The following ARHGAP6 variants were observed in gnomAD, a reference collection of about 807,000 sequenced individuals.
ARHGAP6 encodes the protein rho GTPase-activating protein 6.
ARHGAP6 carries 16 observed loss-of-function variants against 55.7 expected under a neutral mutation model. The observed-to-expected ratio is 0.29, with a 90% CI of 0.19 to 0.44. The LOEUF (loss-of-function observed/expected upper bound fraction) is 0.44. ARHGAP6 is among the 20% of genes least tolerant of loss of function. The pLI is 1.00. For synonymous variants in ARHGAP6, 382 were observed against 360.9 expected, an observed-to-expected ratio of 1.06 and a Z score of -0.66; for missense variants, 698 against 808.9, an observed-to-expected ratio of 0.86 and a Z score of 1.66.
At chrX:11,643,722 A>G (rs1307310500) in intron 1 of ARHGAP6, among the ~76,000 whole-genome samples, 2 of 111,315 alleles carry the variant, frequency 1.8e-5, no homozygotes, top group Middle Eastern at 4.6e-3. Context: ...TTGGGCTGCC[A>G]TGTAGCCTGA....
chrX:11,617,456 T>C (rs1405899499), intron 1 of ARHGAP6, among the ~76,000 whole-genome samples: 1 of 111,919 alleles, frequency 8.9e-6, no homozygotes, highest in Non-Finnish European at 1.9e-5. Context: ...CATACGCATT[T>C]GTGATAGGCA....
At position 11,491,469 on chromosome X, in the gene ARHGAP6, T is replaced by C. The variant is rs576428250; in HGVS notation, c.588+172772A>G. Among the ~76,000 whole-genome samples, 55 of 109,727 alleles carry C rather than the reference T, an allele frequency of 5.0e-4. 1 individual carries two copies. In the South Asian group the frequency reaches 0.019, roughly 39 times the overall value. Reference sequence around the variant, plus strand: ...AGGAGTGAGAATATGCGGTGTCTGGTTTTTTCTTCTTGCGATAGTTTACTG... The same window carrying C: ...AGGAGTGAGAATATGCGGTGTCTGGCTTTTTCTTCTTGCGATAGTTTACTG... On this transcript the variant is annotated intron_variant, in intron 1 of 12. Coordinates refer to ENST00000337414, the MANE Select transcript of ARHGAP6 (RefSeq NM_013427.3).
chrX:11,175,650 C>G (rs2046201489), intron 8 of ARHGAP6, among the ~76,000 whole-genome samples: 1 of 111,478 alleles, frequency 9.0e-6, no homozygotes, highest in African/African-American at 3.3e-5. Flanking sequence ...AACCCTTCTC[C>G]TCAGGGGAGA....
At chrX:11,588,148 C>T (rs2147126056) in intron 1 of ARHGAP6, among the ~76,000 whole-genome samples, 1 of 112,334 alleles carries the variant, frequency 8.9e-6, no homozygotes, top group Non-Finnish European at 1.9e-5. Flanking sequence ...GCTTCCATCT[C>T]TGTCATTAGA....
intron 1 of ARHGAP6, among the ~76,000 whole-genome samples, chrX:11,662,251 C>T (rs758810039): frequency 1.2e-4 from 13 of 111,798 alleles, no homozygotes; most frequent in Non-Finnish European, 2.3e-4. Context: ...GGTTCCAGGG[C>T]GTTAAACCTT....
intron 2 of ARHGAP6, among the ~76,000 whole-genome samples, chrX:11,252,224 G>C (rs951700745): frequency 1.8e-4 from 20 of 112,677 alleles, no homozygotes; most frequent in Non-Finnish European, 3.6e-4. Context: ...GCCACAGAGA[G>C]TATCTGTTCC....
At chrX:11,470,672 C>T (rs1360626396) in intron 1 of ARHGAP6, among the ~76,000 whole-genome samples, 3 of 112,181 alleles carry the variant, frequency 2.7e-5, no homozygotes, top group Admixed American at 1.9e-4. Flanking sequence ...TTAGCTTGGT[C>T]GTGCAGGACA....
At chrX:11,342,943 T>C (rs1220071018) in intron 1 of ARHGAP6, among the ~76,000 whole-genome samples, 3 of 112,152 alleles carry the variant, frequency 2.7e-5, no homozygotes, top group Non-Finnish European at 5.6e-5. Context: ...GACTTGTTCT[T>C]GAAATACCTG....
At chrX:11,180,963 T>G (rs938485408) in intron 6 of ARHGAP6, among the ~76,000 whole-genome samples, 2 of 112,612 alleles carry the variant, frequency 1.8e-5, no homozygotes, top group Admixed American at 1.9e-4. Context: ...CTGGTTAAAC[T>G]GTGTGATCTT....
At chrX:11,447,663 A>G (rs2050105081) in intron 1 of ARHGAP6, among the ~76,000 whole-genome samples, 1 of 112,228 alleles carries the variant, frequency 8.9e-6, no homozygotes, top group Admixed American at 9.4e-5. Context: ...CTTCCAAGTG[A>G]ATACTTTTAC....
intron 1 of ARHGAP6, among the ~76,000 whole-genome samples, chrX:11,272,294 TCAGA>T (rs1396748930): frequency 1.8e-5 from 2 of 111,483 alleles, no homozygotes; most frequent in Non-Finnish European, 3.8e-5. Context: ...GGGTTGGGGC[TCAGA>T]CAATGATATA....
At chrX:11,579,735 G>A (rs1219914790) in intron 1 of ARHGAP6, among the ~76,000 whole-genome samples, 1 of 112,168 alleles carries the variant, frequency 8.9e-6, no homozygotes, top group Non-Finnish European at 1.9e-5. Flanking sequence ...ATTCTTTATA[G>A]CTTGTGGGTT....
intron 1 of ARHGAP6, among the ~76,000 whole-genome samples, chrX:11,365,405 C>T (rs1235100367): frequency 8.9e-6 from 1 of 112,143 alleles, no homozygotes; most frequent in Non-Finnish European, 1.9e-5. Context: ...ATCCAGTAGG[C>T]CTTACAAATT....
At chrX:11,354,305 CTCTCTCTCTCTCTCTCTCTCTCTATATA>C (rs1391291557) in intron 1 of ARHGAP6, among the ~76,000 whole-genome samples, 1 of 60,422 alleles carries the variant, frequency 1.7e-5, no homozygotes, top group Non-Finnish European at 3.0e-5. Context: ...TTCTCTCTCT[CTCTCTCTCTCTCTCTCTCTCTCTATATA>C]TATATATATA....
chrX:11,304,777 CTTTTTTTTT>C (rs953912280), intron 1 of ARHGAP6, among the ~76,000 whole-genome samples: 7 of 50,286 alleles, frequency 1.4e-4, no homozygotes, highest in African/African-American at 3.5e-4. Context: ...CTTTCTTTTA[CTTTTTTTTT>C]TTTTTTTTTT....
At chrX:11,405,343 A>G (rs1440166509) in intron 1 of ARHGAP6, among the ~76,000 whole-genome samples, 5 of 112,139 alleles carry the variant, frequency 4.5e-5, no homozygotes, top group African/African-American at 1.3e-4. Flanking sequence ...TCATGCACCT[A>G]TCACCACTGG....
intron 1 of ARHGAP6, among the ~76,000 whole-genome samples, chrX:11,479,362 T>C (rs1424108631): frequency 8.9e-6 from 1 of 111,991 alleles, no homozygotes; most frequent in Admixed American, 9.4e-5. Flanking sequence ...TCCAAAGAGA[T>C]TTAATGTTGG....
At chrX:11,228,586 C>T (rs1157900627) in intron 2 of ARHGAP6, among the ~76,000 whole-genome samples, 1 of 111,996 alleles carries the variant, frequency 8.9e-6, no homozygotes, top group Non-Finnish European at 1.9e-5. Flanking sequence ...AAAAATACAT[C>T]ACCGTGTTCC....
intron 1 of ARHGAP6, among the ~76,000 whole-genome samples, chrX:11,457,318 G>A (rs997585388): frequency 1.3e-4 from 14 of 111,523 alleles, no homozygotes; most frequent in African/African-American, 4.2e-4. Context: ...TGGGAGTCAG[G>A]TGACACCTGC....
Sources: gnomAD v4.1 joint callset for allele counts (sites outside exome capture counted in the v4.1 genomes callset) on GRCh38, gnomAD v4.1.1 for gene constraint, MANE v1.5 for transcripts, NCBI Gene and HGNC (gene_info 2026-07-23, HGNC 2026-07-21) for gene names.